Variants in CPVL observed in about 807,000 individuals in gnomAD.
CPVL encodes carboxypeptidase vitellogenic like, also known as probable serine carboxypeptidase CPVL.
In CPVL, 51 loss-of-function variants were observed where a neutral mutation model predicts 63.7. The ratio of observed to expected loss-of-function variants is 0.80; its 90% CI spans 0.64 to 1.01. The LOEUF (loss-of-function observed/expected upper bound fraction) is 1.01, where lower values mean the gene tolerates loss of function less well. CPVL is among the 50% of genes least tolerant of loss of function. The probability of loss-of-function intolerance (pLI) is 0.00; values close to 1 mark genes in which losing one functional copy is unlikely to be tolerated. For synonymous variants in CPVL, 195 were observed against 206.0 expected (o/e 0.95, Z 0.46); for missense variants, 530 against 573.1 (o/e 0.92, Z 0.77).
intron 12 of CPVL, among the ~76,000 whole-genome samples, chr7:28,999,873 G>A (rs112936420): frequency 1.5e-3 from 231 of 151,236 alleles, no homozygotes; most frequent in African/African-American, 5.3e-3. Flanking sequence ...ATATATTTTT[G>A]AGTGTGGAAA....
chr7:29,013,517 A>G (rs1727073673), intron 12 of CPVL: 1 of 152,246 alleles, frequency 6.6e-6, no homozygotes. Flanking sequence ...CCATCTTTCT[A>G]AGGCAGATAT....
chr7:29,048,668 C>A (rs545892683), intron 11 of CPVL, among the ~76,000 whole-genome samples: 1 of 152,012 alleles, frequency 6.6e-6, no homozygotes, highest in South Asian at 2.1e-4. Flanking sequence ...TTAAACTATA[C>A]CTTGGAAAAA....
At chr7:29,025,509 C>T (rs1787404551) in intron 12 of CPVL, among the ~76,000 whole-genome samples, 1 of 152,106 alleles carries the variant, frequency 6.6e-6, no homozygotes, top group Non-Finnish European at 1.5e-5. Flanking sequence ...CAATCACCTC[C>T]CATCAGACCC....
chr7:29,121,172 G>A, intron 1 of CPVL, 101 bp from the exon 2 acceptor site: 1 of 1,119,616 alleles, frequency 8.9e-7, no homozygotes. Context: ...AAAAAATATT[G>A]TGTGTAAAGG....
intron 1 of CPVL, among the ~76,000 whole-genome samples, chr7:29,143,305 C>T (rs567251401): frequency 1.3e-5 from 2 of 152,270 alleles, no homozygotes; most frequent in Non-Finnish European, 2.9e-5. Context: ...GAGCAAACCT[C>T]CAGGCAAACA....
intron 5 of CPVL, among the ~76,000 whole-genome samples, chr7:29,092,993 GGAA>G (rs1232739933): frequency 6.6e-6 from 1 of 152,152 alleles, no homozygotes; most frequent in Non-Finnish European, 1.5e-5. Flanking sequence ...GTTGATTTAA[GGAA>G]GAAGGATTCA....
chr7:29,090,765 T>C (rs772556233), intron 6 of CPVL, among the ~76,000 whole-genome samples: 8 of 152,248 alleles, frequency 5.3e-5, no homozygotes, highest in Non-Finnish European at 1.2e-4. Context: ...GGAGAGTATT[T>C]TAACATCTTG....
intron 1 of CPVL, among the ~76,000 whole-genome samples, chr7:29,121,598 A>T (rs975721056): frequency 4.6e-4 from 70 of 152,316 alleles, no homozygotes; most frequent in Non-Finnish European, 6.0e-4. Flanking sequence ...TTGAAAGCAC[A>T]TTTCAGGCCG....
chr7:29,051,444 T>C (rs546749192), intron 11 of CPVL, among the ~76,000 whole-genome samples: 1 of 152,056 alleles, frequency 6.6e-6, no homozygotes, highest in Non-Finnish European at 1.5e-5. Flanking sequence ...AGGACATGAA[T>C]AGACAATTCT....
intron 11 of CPVL, among the ~76,000 whole-genome samples, chr7:29,038,655 C>T (rs1312623355): frequency 1.3e-5 from 2 of 152,210 alleles, no homozygotes; most frequent in Non-Finnish European, 2.9e-5. Flanking sequence ...CACACACAGG[C>T]ACAGGGTGGT....
chr7:29,094,842 T>C (rs1300825952), intron 5 of CPVL, among the ~76,000 whole-genome samples: 4 of 149,534 alleles, frequency 2.7e-5, no homozygotes, highest in African/African-American at 9.9e-5. Flanking sequence ...CGAGACTCCA[T>C]CTCAATAGAA....
intron 3 of CPVL, among the ~76,000 whole-genome samples, chr7:29,097,465 C>T (rs1407503744): frequency 6.6e-6 from 1 of 152,166 alleles, no homozygotes; most frequent in South Asian, 2.1e-4. Flanking sequence ...GAGGCCAAGG[C>T]GGGTGGATCA....
At chr7:29,167,891 G>A (rs1047137608) in intron 5 of CPVL, among the ~76,000 whole-genome samples, 1 of 152,166 alleles carries the variant, frequency 6.6e-6, no homozygotes, top group Non-Finnish European at 1.5e-5. Flanking sequence ...ACTTACTGAT[G>A]CAAAAACCCC....
At chr7:29,097,747 T>C (rs1464942836) in intron 3 of CPVL, among the ~76,000 whole-genome samples, 3 of 152,056 alleles carry the variant, frequency 2.0e-5, no homozygotes, top group Non-Finnish European at 4.4e-5. Context: ...AAAGGAAATA[T>C]GGGTGATTTA....
At chr7:29,163,277 A>G (rs1170378844) in intron 5 of CPVL, among the ~76,000 whole-genome samples, 1 of 152,202 alleles carries the variant, frequency 6.6e-6, no homozygotes, top group Non-Finnish European at 1.5e-5. Context: ...TTGAAGACTT[A>G]GTATGAAAAA....
rs1270966954 is a variant in CPVL at position 29,140,187 on chromosome 7, C to G, written c.-11+6242G>C. Among the ~76,000 whole-genome samples, 4 of 152,152 alleles carry G rather than the reference C, an allele frequency of 2.6e-5. No individual in the cohort carries two copies. The East Asian group carries it at 7.7e-4, about 29-fold the overall frequency. On this transcript the variant is annotated intron_variant, in intron 1 of 12. Transcript: ENST00000265394. Reference sequence around the variant, plus strand: ...GGACACAGTGGCTCACACTTGTAATCCCGGCACTTTAGGAGGCCGAGGCAG... The same window carrying G: ...GGACACAGTGGCTCACACTTGTAATGCCGGCACTTTAGGAGGCCGAGGCAG...
chr7:29,029,673 A>G (rs1787834270), intron 12 of CPVL, among the ~76,000 whole-genome samples: 1 of 152,170 alleles, frequency 6.6e-6, no homozygotes, highest in Non-Finnish European at 1.5e-5. Flanking sequence ...TGGGAAGACG[A>G]AGAGAGATTG....
chr7:29,167,243 C>A (rs1372721941), intron 5 of CPVL, among the ~76,000 whole-genome samples: 1 of 152,008 alleles, frequency 6.6e-6, no homozygotes, highest in Admixed American at 6.6e-5. Context: ...TTAATTTTAA[C>A]TTTTTTAGAC....
At chr7:29,039,227 T>C (rs1788832398) in intron 11 of CPVL, among the ~76,000 whole-genome samples, 1 of 152,202 alleles carries the variant, frequency 6.6e-6, no homozygotes, top group South Asian at 2.1e-4. Context: ...AAATCAGCAG[T>C]TTATTCATGA....
Sources: allele counts gnomAD v4.1 joint callset (sites outside exome capture counted in the v4.1 genomes callset), GRCh38; gene constraint gnomAD v4.1.1; transcripts MANE v1.5; gene names NCBI Gene and HGNC (gene_info 2026-07-23, HGNC 2026-07-21).